The following RUNDC3B variants were observed in gnomAD, a reference collection of about 807,000 sequenced individuals.
The protein encoded by RUNDC3B is RUN domain containing 3B, also known as RUN domain-containing protein 3B.
A neutral mutation model predicts 58.4 loss-of-function variants in RUNDC3B; 33 were observed. That is an observed-to-expected ratio of 0.56 (90% CI 0.43 to 0.75). The LOEUF is 0.75. RUNDC3B is among the 30% of genes least tolerant of loss of function. The pLI, the probability that RUNDC3B is intolerant of heterozygous loss-of-function variation, is 0.00. For missense variants in RUNDC3B, 501 were observed against 535.7 expected (o/e 0.94, Z 0.64); for synonymous variants, 193 against 195.2 (o/e 0.99, Z 0.10).
In RUNDC3B at chr7:87,756,373, A is replaced by G. The variant is rs191239775; in HGVS notation, c.630-14208A>G. On this transcript the variant is annotated intron_variant, in intron 6 of 10. Transcript: ENST00000394654. ...TTGGAAAAAAGGCCAAAAAGTTAGAATATATTTGAGTTTTTATTAATCTAA... is the reference window on the plus strand; with the variant it reads ...TTGGAAAAAAGGCCAAAAAGTTAGAGTATATTTGAGTTTTTATTAATCTAA... Among the ~76,000 whole-genome samples the G allele has an allele frequency of 2.5e-3, 379 of 152,096 alleles. 1 individual carries two copies. Among genetic ancestry groups the G allele is most frequent in the Non-Finnish European group, 4.1e-3 (279 of 67,952 alleles).
chr7:87,715,102 A>C (rs10261685), intron 4 of RUNDC3B, among the ~76,000 whole-genome samples: 7,160 of 149,910 alleles, frequency 0.048, 254 homozygotes, highest in East Asian at 0.092. Context: ...AGTTTGACTT[A>C]AGTAAAAGGC....
At chr7:87,697,259 G>C (rs189237875) in intron 2 of RUNDC3B, among the ~76,000 whole-genome samples, 1 of 152,148 alleles carries the variant, frequency 6.6e-6, no homozygotes, top group East Asian at 1.9e-4. Flanking sequence ...ATTTTCCCTT[G>C]CCTATTTCTC....
intron 4 of RUNDC3B, among the ~76,000 whole-genome samples, chr7:87,720,451 A>G (rs2130773139): frequency 6.6e-6 from 1 of 152,232 alleles, no homozygotes; most frequent in Middle Eastern, 3.4e-3. Flanking sequence ...TATCCAAAAA[A>G]TCTACATAGT....
At chr7:87,667,429 T>A (rs1173580324) in intron 2 of RUNDC3B, among the ~76,000 whole-genome samples, 2 of 152,070 alleles carry the variant, frequency 1.3e-5, no homozygotes, top group Non-Finnish European at 2.9e-5. Flanking sequence ...AATCATGTCA[T>A]CTGCAAACAG....
chr7:87,757,111 G>A (rs544847724), intron 6 of RUNDC3B, among the ~76,000 whole-genome samples: 34 of 152,176 alleles, frequency 2.2e-4, no homozygotes, highest in African/African-American at 8.2e-4. Context: ...AGTCAGCACC[G>A]TGAAAGGCCT....
intron 1 of RUNDC3B, among the ~76,000 whole-genome samples, chr7:87,631,202 G>C (rs1255790722): frequency 6.6e-6 from 1 of 152,132 alleles, no homozygotes; most frequent in African/African-American, 2.4e-5. Context: ...TATATGATAG[G>C]CTTTGTCTGA....
chr7:87,717,509 G>A (rs999894301), intron 4 of RUNDC3B, among the ~76,000 whole-genome samples: 5 of 151,934 alleles, frequency 3.3e-5, no homozygotes, highest in Non-Finnish European at 7.4e-5. Flanking sequence ...AAAAGGACAA[G>A]GAGGAAGTAA....
chr7:87,735,065 A>T (rs1831846786), intron 4 of RUNDC3B, among the ~76,000 whole-genome samples: 1 of 152,138 alleles, frequency 6.6e-6, no homozygotes, highest in African/African-American at 2.4e-5. Flanking sequence ...CCATGATACC[A>T]CATTTAAACC....
At chr7:87,642,229 C>G (rs552288837) in intron 1 of RUNDC3B, among the ~76,000 whole-genome samples, 1 of 152,114 alleles carries the variant, frequency 6.6e-6, no homozygotes, top group Non-Finnish European at 1.5e-5. Context: ...GTCTGTGATA[C>G]AAGTCAGCTG....
At chr7:87,659,928 T>G (rs28381750) in intron 2 of RUNDC3B, among the ~76,000 whole-genome samples, 1 of 152,314 alleles carries the variant, frequency 6.6e-6, no homozygotes, top group East Asian at 1.9e-4. Context: ...TTTCTCATGT[T>G]AAATCACCTA....
chr7:87,693,390 G>A (rs1270515535), intron 2 of RUNDC3B, among the ~76,000 whole-genome samples: 1 of 152,076 alleles, frequency 6.6e-6, no homozygotes, highest in Non-Finnish European at 1.5e-5. Flanking sequence ...AAAAATGAAT[G>A]GCTACATTTC....
chr7:87,641,552 C>T (rs574596711), intron 1 of RUNDC3B, among the ~76,000 whole-genome samples: 5 of 152,188 alleles, frequency 3.3e-5, no homozygotes, highest in South Asian at 2.1e-4. Flanking sequence ...GATTTGGGGG[C>T]GACAGTAAAC....
At chr7:87,785,564 A>T (rs1327993227) in intron 8 of RUNDC3B, among the ~76,000 whole-genome samples, 1 of 152,200 alleles carries the variant, frequency 6.6e-6, no homozygotes, top group African/African-American at 2.4e-5. Flanking sequence ...CAGGCGGGGC[A>T]GTGCAGGCTG....
intron 8 of RUNDC3B, among the ~76,000 whole-genome samples, chr7:87,800,678 G>A (rs1432782320): frequency 6.7e-6 from 1 of 148,886 alleles, no homozygotes; most frequent in Non-Finnish European, 1.5e-5. Context: ...TTGAGACAGG[G>A]CCTCTGTCAT....
At chr7:87,741,641 T>C in intron 6 of RUNDC3B, 62 bp downstream of exon 6, 1 of 938,124 alleles carries the variant, frequency 1.1e-6, no homozygotes, top group Non-Finnish European at 1.6e-6. Context: ...TCTTGTGCAA[T>C]GTTTGTCTGA....
chr7:87,715,390 TATA>T (rs1209684177), intron 4 of RUNDC3B, among the ~76,000 whole-genome samples: 6 of 122,098 alleles, frequency 4.9e-5, no homozygotes, highest in East Asian at 2.1e-4. Context: ...ATCAATATAA[TATA>T]ATATATTTAA....
At chr7:87,796,610 A>G (rs1835834863) in intron 8 of RUNDC3B, among the ~76,000 whole-genome samples, 1 of 152,192 alleles carries the variant, frequency 6.6e-6, no homozygotes, top group African/African-American at 2.4e-5. Context: ...AAACTTTAAA[A>G]AGAAAGAAAT....
intron 9 of RUNDC3B, among the ~76,000 whole-genome samples, chr7:87,808,930 T>A (rs1836572192): frequency 6.6e-6 from 1 of 152,118 alleles, no homozygotes; most frequent in Non-Finnish European, 1.5e-5. Context: ...TAACATTAAA[T>A]CCTGGTAAGT....
At chr7:87,727,860 A>T (rs1194404544) in intron 4 of RUNDC3B, among the ~76,000 whole-genome samples, 2 of 152,154 alleles carry the variant, frequency 1.3e-5, no homozygotes, top group Non-Finnish European at 2.9e-5. Context: ...AGAGACAAGT[A>T]CCATACGGTA....
Sources: allele counts gnomAD v4.1 joint callset (sites outside exome capture counted in the v4.1 genomes callset), GRCh38; gene constraint gnomAD v4.1.1; transcripts MANE v1.5; gene names NCBI Gene and HGNC (gene_info 2026-07-23, HGNC 2026-07-21).